MSRA: variants seen among roughly 807,000 people sequenced by gnomAD.
MSRA encodes mitochondrial peptide methionine sulfoxide reductase.
Under a neutral mutation model 31.3 loss-of-function variants are expected in MSRA, and 54 were observed. That is an observed-to-expected ratio of 1.73 (90% CI 1.39 to 2.17). The LOEUF (loss-of-function observed/expected upper bound fraction) is 2.17, where lower values mean the gene tolerates loss of function less well. MSRA is among the 30% of genes most tolerant of loss of function. MSRA has a pLI of 0.00. For synonymous variants in MSRA, 169 were observed against 116.5 expected (o/e 1.45, Z -2.90); for missense variants, 507 against 300.9 (o/e 1.69, Z -5.07).
chr8:10,345,139 T>A (rs910221427), intron 5 of MSRA, among the ~76,000 whole-genome samples: 1 of 152,150 alleles, frequency 6.6e-6, no homozygotes, highest in Non-Finnish European at 1.5e-5. Flanking sequence ...CAAGAGCTTA[T>A]CAAGCCTCTG....
At position 10,164,870 on chromosome 8, in the gene MSRA, A is replaced by G. The variant is rs146219130; in HGVS notation, c.143-42963A>G. The stretch of plus-strand genomic sequence containing the variant: ...TAGTGAAACCCTGTCTCTACTAAAA[A>G]TATAAAAATTAGCCTGGTGTTGTCG... On this transcript the variant is annotated intron_variant, in intron 1 of 5. Coordinates refer to ENST00000317173, the MANE Select transcript of MSRA (RefSeq NM_012331.5). Among the ~76,000 whole-genome samples the G allele has an allele frequency of 1.7e-4, 26 of 152,280 alleles. No homozygotes were observed. In the East Asian group the frequency reaches 4.8e-3, roughly 28 times the overall value.
intron 2 of MSRA, among the ~76,000 whole-genome samples, chr8:10,211,542 T>C (rs570053665): frequency 3.3e-5 from 5 of 152,218 alleles, no homozygotes; most frequent in Admixed American, 2.6e-4. Context: ...AGCCACACAT[T>C]TTGCAATTAC....
chr8:10,185,510 C>CGTGT (rs916325793), intron 1 of MSRA, among the ~76,000 whole-genome samples: 1 of 152,054 alleles, frequency 6.6e-6, no homozygotes. Flanking sequence ...CAGCTCTGGG[C>CGTGT]ACAGCTTAAT....
intron 1 of MSRA, among the ~76,000 whole-genome samples, chr8:10,127,670 C>G (rs1305933712): frequency 1.3e-5 from 2 of 152,102 alleles, no homozygotes; most frequent in African/African-American, 4.8e-5. Context: ...GATTAAGGTA[C>G]TAGTTATATT....
intron 1 of MSRA, among the ~76,000 whole-genome samples, chr8:10,161,300 C>T (rs915479768): frequency 6.6e-6 from 1 of 152,264 alleles, no homozygotes; most frequent in South Asian, 2.1e-4. Flanking sequence ...TATCCCCCAA[C>T]CCCCTGGCTG....
intron 1 of MSRA, among the ~76,000 whole-genome samples, chr8:10,135,026 G>C (rs1563135847): frequency 6.6e-6 from 1 of 152,194 alleles, no homozygotes; most frequent in Non-Finnish European, 1.5e-5. Flanking sequence ...TGTAATATCT[G>C]ACCTCAGCTT....
chr8:10,401,668 A>G (rs1454973960), intron 5 of MSRA, among the ~76,000 whole-genome samples: 8 of 120,554 alleles, frequency 6.6e-5, no homozygotes, highest in Admixed American at 1.8e-4. Context: ...AGTGCCCGTC[A>G]TCAGATGAAT....
At chr8:10,385,474 T>C (rs1254625047) in intron 5 of MSRA, among the ~76,000 whole-genome samples, 1 of 152,024 alleles carries the variant, frequency 6.6e-6, no homozygotes, top group Non-Finnish European at 1.5e-5. Context: ...CTGTGGCACA[T>C]GTGGGGCAGA....
intron 1 of MSRA, among the ~76,000 whole-genome samples, chr8:10,201,035 C>T (rs1202114034): frequency 6.6e-6 from 1 of 152,054 alleles, no homozygotes; most frequent in African/African-American, 2.4e-5. Context: ...CTGACTTGTA[C>T]CCTGAACCAC....
intron 1 of MSRA, among the ~76,000 whole-genome samples, chr8:10,068,840 G>T (rs1212305367): frequency 1.3e-5 from 2 of 152,160 alleles, no homozygotes; most frequent in Non-Finnish European, 2.9e-5. Context: ...TGATTGCAAT[G>T]ATAGGGTTGC....
chr8:10,303,800 G>C (rs1386747774), intron 4 of MSRA, among the ~76,000 whole-genome samples: 2 of 152,166 alleles, frequency 1.3e-5, no homozygotes, highest in Non-Finnish European at 2.9e-5. Context: ...AGCTGGCTTT[G>C]TTTTTCTTAA....
chr8:10,207,865 G>A lies in MSRA; in HGVS notation c.175G>A (p.Glu59Lys), dbSNP rs139278254. The A allele has an allele frequency of 6.1e-5, 98 of 1,609,186 alleles. No individual in the cohort carries two copies. The highest frequency in any genetic ancestry group is 6.1e-4 in the African/African-American group (45 of 74,078). ...TCATGTCAATGGCAACAGAACAGTC[G>A]AACCTTTCCCAGAGGGAACACAGAT... ...KHHVNGNRTV[E>K]PFPEGTQMAV... The change falls in exon 2 of 6, where the codon GAA (glutamate) becomes AAA (lysine). Residue 59 changes from glutamate to lysine, a missense_variant. Transcript: ENST00000317173.
chr8:10,136,317 A>G (rs1314147590), intron 1 of MSRA, among the ~76,000 whole-genome samples: 1 of 152,134 alleles, frequency 6.6e-6, no homozygotes, highest in Non-Finnish European at 1.5e-5. Context: ...CTGGGGAGAA[A>G]GGGTTTGGTG....
chr8:10,111,748 G>A (rs1346265999), intron 1 of MSRA, among the ~76,000 whole-genome samples: 1 of 152,220 alleles, frequency 6.6e-6, no homozygotes, highest in Admixed American at 6.5e-5. Flanking sequence ...TTGAATATCA[G>A]TTTTTAGAGA....
chr8:10,415,232 G>C (rs747378090), intron 5 of MSRA, among the ~76,000 whole-genome samples: 2 of 152,172 alleles, frequency 1.3e-5, no homozygotes, highest in Non-Finnish European at 2.9e-5. Flanking sequence ...CACGATGTGC[G>C]GTAGAGAAGG....
chr8:10,272,337 A>G (rs557429883), intron 3 of MSRA, among the ~76,000 whole-genome samples: 34 of 152,324 alleles, frequency 2.2e-4, no homozygotes, highest in African/African-American at 7.2e-4. Context: ...AAGAGAGCTG[A>G]TGGCATAGTT....
At chr8:10,075,106 G>A (rs968794685) in intron 1 of MSRA, among the ~76,000 whole-genome samples, 4 of 152,014 alleles carry the variant, frequency 2.6e-5, no homozygotes, top group Admixed American at 1.3e-4. Context: ...TTCATATATT[G>A]TCTTTTTATT....
At chr8:10,371,074 C>G (rs751659175) in intron 5 of MSRA, among the ~76,000 whole-genome samples, 1 of 152,180 alleles carries the variant, frequency 6.6e-6, no homozygotes, top group Non-Finnish European at 1.5e-5. Context: ...CCATGCTAAC[C>G]CACTGCACCC....
At chr8:10,223,229 C>G (rs184544027) in intron 2 of MSRA, among the ~76,000 whole-genome samples, 1 of 152,252 alleles carries the variant, frequency 6.6e-6, no homozygotes, top group Admixed American at 6.5e-5. Context: ...ATTTAAACCA[C>G]TCAGAATCAT....
Sources: allele counts gnomAD v4.1 joint callset (sites outside exome capture counted in the v4.1 genomes callset), GRCh38; gene constraint gnomAD v4.1.1; transcripts MANE v1.5; gene names NCBI Gene and HGNC (gene_info 2026-07-23, HGNC 2026-07-21).